The following DNM1 variants were observed in gnomAD, a reference collection of about 807,000 sequenced individuals.
The protein encoded by DNM1 is dynamin 1.
DNM1 carries 29 observed loss-of-function variants against 104.6 expected under a neutral mutation model. The ratio of observed to expected loss-of-function variants is 0.28; its 90% confidence interval spans 0.21 to 0.38. The LOEUF is 0.38. DNM1 is among the 10% of genes least tolerant of loss of function. The probability of loss-of-function intolerance (pLI) is 1.00; values close to 1 mark genes in which losing one functional copy is unlikely to be tolerated. For missense variants in DNM1, 640 were observed against 1,189.4 expected (o/e 0.54, Z 6.79); for synonymous variants, 445 against 475.8 (o/e 0.94, Z 0.84).
intron 1 of DNM1, among the ~76,000 whole-genome samples, chr9:128,217,492 C>T (rs945640473): frequency 6.6e-6 from 1 of 152,168 alleles, no homozygotes; most frequent in African/African-American, 2.4e-5. Flanking sequence ...TCTTGGCTCA[C>T]CGTAACCTCC....
At position 128,250,826 on chromosome 9, in the gene DNM1, C is replaced by T; in HGVS notation, c.2420C>T (p.Ser807Phe). The T allele has an allele frequency of 3.8e-6, 5 of 1,324,338 alleles. No individual in the cohort carries two copies. In the South Asian group the frequency reaches 6.8e-5, roughly 18 times the overall value. The allele number at this position is 1,324,338 out of a possible 1,614,324, so 82.0% of individuals were successfully genotyped here. Residue 807 changes from serine (S) to phenylalanine (F), a missense_variant, in exon 21 of 22, where the codon TCC becomes TTC. Around this residue, in one of 7 missense-constraint regions of DNM1, gnomAD observed 129 missense variants for 224.6 expected, o/e 0.57. Coordinates refer to ENST00000372923, the MANE Select transcript of DNM1 (RefSeq NM_004408.4). ...GCTCCTGGGCCTCCGCCTGCTGGGT[C>T]CGCCCTGGGGGGGGCGCCCCCCGTG... The part of the protein sequence containing the change: ...GPAPGPPPAG[S>F]ALGGAPPVPS...
intron 10 of DNM1, chr9:128,231,851 T>G: frequency 2.9e-6 from 1 of 339,712 alleles, no homozygotes; most frequent in Non-Finnish European, 5.8e-6. Flanking sequence ...CTAAGGAGAG[T>G]CAGCGGACAG....
At chr9:128,219,567 G>A (rs551016930) in intron 4 of DNM1, among the ~76,000 whole-genome samples, 37 of 152,304 alleles carry the variant, frequency 2.4e-4, no homozygotes, top group African/African-American at 8.4e-4. Flanking sequence ...TACTCGTGAG[G>A]CTGAGGCCAG....
chr9:128,224,384 A>G lies in DNM1; in HGVS notation c.1330A>G (p.Lys444Glu), dbSNP rs756764400. ...AATCAGCACCGTTAGACAGTGCACC[A>G]AGAAGGTAACCCGGAGGCCCGGGCC... The part of the protein sequence containing the change: ...ELISTVRQCT[K>E]KLQQYPRLRE... The change falls in exon 10 of 22, where the codon AAG becomes GAG. Residue 444 changes from lysine to glutamate, a missense_variant. Lys to Glu is a moderately conservative substitution (Grantham distance 56, BLOSUM62 1). Transcript: ENST00000372923. The surrounding 1 kb of genome is among the most constrained non-coding windows in gnomAD (Gnocchi z 4.3). 1.2e-6 allele frequency: 2 copies of G among 1,609,046 alleles called. No homozygotes were observed. The highest frequency in any genetic ancestry group is 2.7e-5 in the African/African-American group (2 of 74,880).
intron 1 of DNM1, among the ~76,000 whole-genome samples, chr9:128,216,069 G>A (rs955363272): frequency 1.3e-5 from 2 of 150,778 alleles, no homozygotes; most frequent in African/African-American, 4.9e-5. Context: ...GCACACCTCT[G>A]TTCTAGCACA....
In DNM1 at chr9:128,243,142, C is replaced by A. The variant is rs921583863; in HGVS notation, c.1671+797C>A. Among the ~76,000 whole-genome samples the A allele has an allele frequency of 3.3e-5, 5 of 152,190 alleles. No individual in the cohort carries two copies. The East Asian group carries it at 9.7e-4, about 29-fold the overall frequency. On this transcript the variant is annotated intron_variant, in intron 15 of 21. Coordinates refer to ENST00000372923, the MANE Select transcript of DNM1 (RefSeq NM_004408.4). The surrounding 1 kb of genome is among the most constrained non-coding windows in gnomAD (Gnocchi z 4.0). ...GGGGCAAGGAGTGTGGGGGCCCTGCCGAGGTGCCACAAAAAACCCCTCCCC... is the reference window on the plus strand; with the variant it reads ...GGGGCAAGGAGTGTGGGGGCCCTGCAGAGGTGCCACAAAAAACCCCTCCCC...
intron 14 of DNM1, among the ~76,000 whole-genome samples, chr9:128,241,671 TACAGA>T (rs1009107406): frequency 1.3e-5 from 2 of 152,122 alleles, no homozygotes; most frequent in Non-Finnish European, 2.9e-5. Context: ...AAGCCCTTGT[TACAGA>T]AGTCGACTTC....
chr9:128,228,111 G>A (rs556168337), intron 10 of DNM1, among the ~76,000 whole-genome samples: 40 of 151,872 alleles, frequency 2.6e-4, no homozygotes, highest in Non-Finnish European at 5.3e-4. Flanking sequence ...GTGCCATCTC[G>A]GCTCACTGCA....
rs1175117048 is a variant in DNM1 at position 128,245,681 on chromosome 9, G to A, written c.1672-713G>A. Among the ~76,000 whole-genome samples, 1 of 152,158 alleles carries A rather than the reference G, an allele frequency of 6.6e-6. No individual in the cohort carries two copies. The highest frequency in any genetic ancestry group is 1.5e-5 in the Non-Finnish European group (1 of 68,036). On this transcript the variant is annotated intron_variant, in intron 15 of 21. Transcript: ENST00000372923. The surrounding 1 kb of genome is among the most constrained non-coding windows in gnomAD (Gnocchi z 5.2). ...ACCCCAGTATAAGTCCACAGGCATG[G>A]CTCTGCAAACATGTAGGCTCGCACA...
chr9:128,230,932 A>G (rs1271941142), intron 10 of DNM1, among the ~76,000 whole-genome samples: 2 of 151,782 alleles, frequency 1.3e-5, no homozygotes, highest in African/African-American at 2.4e-5. Flanking sequence ...CCTCCTGAGT[A>G]GCTGTGATTA....
chr9:128,244,395 G>A (rs1034550160), intron 15 of DNM1, among the ~76,000 whole-genome samples: 2 of 151,962 alleles, frequency 1.3e-5, no homozygotes, highest in South Asian at 4.1e-4. Flanking sequence ...TAGGACCACT[G>A]GGGATGTGGA....
Position 128,220,843 on chromosome 9 carries a change from C to G in DNM1, c.849+502C>G, listed in dbSNP as rs1235232972. Among the ~76,000 whole-genome samples, 2 of 151,898 alleles carry G rather than the reference C, an allele frequency of 1.3e-5. No homozygotes were observed. Among genetic ancestry groups the G allele is most frequent in the African/African-American group, 4.8e-5 (2 of 41,428 alleles). On this transcript the variant is annotated intron_variant, in intron 6 of 21. Coordinates refer to ENST00000372923, the MANE Select transcript of DNM1 (RefSeq NM_004408.4). This position sits in a 1 kb window ranked among gnomAD's most constrained non-coding sequence, Gnocchi z 5.2. Reference sequence around the variant, plus strand: ...TTTGTCACTCCCCCTCTGAGACACTCTCTCTGGCTCTCTGAGCCTCTATTT... The same window carrying G: ...TTTGTCACTCCCCCTCTGAGACACTGTCTCTGGCTCTCTGAGCCTCTATTT...
At chr9:128,210,286 C>T (rs1457273648) in intron 1 of DNM1, among the ~76,000 whole-genome samples, 1 of 151,710 alleles carries the variant, frequency 6.6e-6, no homozygotes, top group Non-Finnish European at 1.5e-5. Flanking sequence ...AACTCCTGGA[C>T]TCAAGTGATC....
Position 128,224,092 on chromosome 9 carries a change from C to T in DNM1, c.1197-159C>T, listed in dbSNP as rs1448933722. 3 of 863,932 alleles carry T rather than the reference C, an allele frequency of 3.5e-6. No individual in the cohort carries two copies. Among genetic ancestry groups the T allele is most frequent in the Non-Finnish European group, 5.1e-6 (3 of 591,290 alleles). The allele number at this position is 863,932 out of a possible 1,614,324, so 53.5% of individuals were successfully genotyped here. ...AACAAAAAACCCTTCATTAGAACCC[C>T]TCCCTCCCATTTTACAACTGGGGAC... On this transcript the variant is annotated intron_variant, in intron 9 of 21. Coordinates refer to ENST00000372923, the MANE Select transcript of DNM1 (RefSeq NM_004408.4). This position sits in a 1 kb window ranked among gnomAD's most constrained non-coding sequence, Gnocchi z 4.3.
In DNM1 at chr9:128,222,690, C is replaced by G; in HGVS notation, c.1128+94C>G. ...CGTGTGTTTTTGCTGGCCCCCACCC[C>G]ACAGGCCCTGATGCCCAGCCCTAGG... On this transcript the variant is annotated intron_variant, in intron 8 of 21. Coordinates refer to ENST00000372923, the MANE Select transcript of DNM1 (RefSeq NM_004408.4). This position sits in a 1 kb window ranked among gnomAD's most constrained non-coding sequence, Gnocchi z 7.8. 1 of 1,601,530 alleles carries G rather than the reference C, an allele frequency of 6.2e-7. No homozygotes were observed. Among genetic ancestry groups the G allele is most frequent in the Non-Finnish European group, 8.5e-7 (1 of 1,171,102 alleles).
intron 10 of DNM1, among the ~76,000 whole-genome samples, chr9:128,225,632 A>G (rs1303457561): frequency 6.6e-6 from 1 of 152,124 alleles, no homozygotes; most frequent in East Asian, 1.9e-4. Flanking sequence ...TCCTTAGGAG[A>G]ACCCAAGGCT....
chr9:128,215,546 C>T (rs1834552557), intron 1 of DNM1, among the ~76,000 whole-genome samples: 1 of 152,240 alleles, frequency 6.6e-6, no homozygotes, highest in Admixed American at 6.5e-5. Flanking sequence ...GTCTCTGCTT[C>T]CCAGAAGCTA....
intron 1 of DNM1, among the ~76,000 whole-genome samples, chr9:128,205,059 C>T (rs919123046): frequency 2.6e-5 from 4 of 152,226 alleles, no homozygotes; most frequent in South Asian, 2.1e-4. Context: ...ACCGTGGGGG[C>T]GGCCGTGCCC....
rs1833657192 is a variant in DNM1 at position 128,203,791 on chromosome 9, C to T, written c.161+160C>T. On this transcript the variant is annotated intron_variant, in intron 1 of 21. Coordinates refer to ENST00000372923, the MANE Select transcript of DNM1 (RefSeq NM_004408.4). The surrounding 1 kb of genome is among the most constrained non-coding windows in gnomAD (Gnocchi z 5.3). ...CCGGAGCGAGGAGGCCCTCCCCCCA[C>T]CACGAGAGCCCCTCGGGGCAGCAGC... Among the ~76,000 whole-genome samples, 2 of 149,868 alleles carry T rather than the reference C, an allele frequency of 1.3e-5. No homozygotes were observed. The highest frequency in any genetic ancestry group is 4.2e-4 in the South Asian group (2 of 4,718).
Sources: gnomAD v4.1 joint callset for allele counts (sites outside exome capture counted in the v4.1 genomes callset) on GRCh38, gnomAD v4.1.1 for gene constraint, gnomAD v4.1.1 regional missense constraint, Gnocchi (gnomAD v3.1) non-coding constraint, MANE v1.5 for transcripts, NCBI Gene and HGNC (gene_info 2026-07-23, HGNC 2026-07-21) for gene names.